KPNA3: variants seen among roughly 807,000 people sequenced by gnomAD.
KPNA3 encodes karyopherin subunit alpha 3.
KPNA3 carries 13 observed loss-of-function variants against 73.8 expected under a neutral mutation model. The observed-to-expected ratio is 0.18, with a 90% CI of 0.11 to 0.28. The LOEUF (loss-of-function observed/expected upper bound fraction) is 0.28. KPNA3 is among the 10% of genes least tolerant of loss of function. The probability of loss-of-function intolerance (pLI) is 1.00; values close to 1 mark genes in which losing one functional copy is unlikely to be tolerated. For missense variants in KPNA3, 360 were observed against 618.1 expected (o/e 0.58, Z 4.43); for synonymous variants, 186 against 206.9 (o/e 0.90, Z 0.87).
chr13:49,748,124 A>T (rs140306523), intron 1 of KPNA3, among the ~76,000 whole-genome samples: 1 of 152,196 alleles, frequency 6.6e-6, no homozygotes, highest in Admixed American at 6.5e-5. Context: ...TACTCATCTT[A>T]TGAACTACCT....
At chr13:49,727,957 C>T (rs1341067615) in intron 6 of KPNA3, among the ~76,000 whole-genome samples, 4 of 152,042 alleles carry the variant, frequency 2.6e-5, no homozygotes, top group South Asian at 2.1e-4. Context: ...ACAAGTCGGC[C>T]GGGCATGGTG....
Position 49,709,558 on chromosome 13 carries a change from A to G in KPNA3, c.1032+14T>C, listed in dbSNP as rs200706503. ...CAGAAAGAAATAGCATAATGAGGAC[A>G]TTATATGCCTTACCTTATTTATCTT... On this transcript the variant is annotated intron_variant, in intron 12 of 16. Coordinates refer to ENST00000261667, the MANE Select transcript of KPNA3 (RefSeq NM_002267.4). The G allele has an allele frequency of 1.2e-6, 2 of 1,604,100 alleles. No homozygotes were observed. The highest frequency in any genetic ancestry group is 1.3e-5 in the African/African-American group (1 of 74,588).
intron 15 of KPNA3, among the ~76,000 whole-genome samples, chr13:49,703,954 A>G (rs1954176021): frequency 6.6e-6 from 1 of 152,240 alleles, no homozygotes; most frequent in Non-Finnish European, 1.5e-5. Context: ...ATTGATAAAA[A>G]GCTGAAGAGT....
At chr13:49,754,769 T>G (rs1234341552) in intron 1 of KPNA3, among the ~76,000 whole-genome samples, 3 of 151,934 alleles carry the variant, frequency 2.0e-5, no homozygotes, top group Admixed American at 1.3e-4. Context: ...CACACAAATT[T>G]GACAATTTAG....
At chr13:49,790,524 C>G (rs763414447) in intron 1 of KPNA3, among the ~76,000 whole-genome samples, 26 of 152,216 alleles carry the variant, frequency 1.7e-4, no homozygotes, top group Admixed American at 2.0e-4. Flanking sequence ...ACTTGTTACA[C>G]AGATTAAATA....
intron 1 of KPNA3, among the ~76,000 whole-genome samples, chr13:49,791,482 T>C (rs942848409): frequency 4.3e-4 from 66 of 152,172 alleles, no homozygotes; most frequent in Non-Finnish European, 9.0e-4. Flanking sequence ...AATGAGACAA[T>C]GGCAACATGC....
At position 49,747,364 on chromosome 13, in the gene KPNA3, G is replaced by GA. The variant is rs111816135; in HGVS notation, c.70-372dup. Among the ~76,000 whole-genome samples, 68 of 141,334 alleles carry GA rather than the reference G, an allele frequency of 4.8e-4. 1 individual carries two copies. The highest frequency in any genetic ancestry group is 7.1e-4 in the Admixed American group (10 of 14,122). 92.7% of individuals were successfully genotyped at this position (141,334 alleles called of 152,430 possible). A position where few individuals can be genotyped will look rare whatever the true frequency, so the allele number is the denominator to read the frequency against. On this transcript the variant is annotated intron_variant, in intron 1 of 16. Coordinates refer to ENST00000261667, the MANE Select transcript of KPNA3 (RefSeq NM_002267.4). ...TGCATCTCAAAAAAAAGAAGAAGAA[G>GA]AAAAAAAAAAACTCAGGTATTTGAG...
intron 16 of KPNA3, 22 bp from the exon 17 acceptor site, chr13:49,701,920 T>C (rs763449713): frequency 2.0e-6 from 3 of 1,507,844 alleles, no homozygotes; most frequent in Admixed American, 1.7e-5. Context: ...AAGAAAAAAA[T>C]CCTTATTAGG....
At chr13:49,752,459 G>C (rs781376297) in intron 1 of KPNA3, among the ~76,000 whole-genome samples, 34 of 152,150 alleles carry the variant, frequency 2.2e-4, no homozygotes, top group Non-Finnish European at 4.3e-4. Context: ...AGGAAACAGA[G>C]TGTTGCTATT....
rs9568321 is a variant in KPNA3, at chr13:49,770,148, T to C, written c.69+22290A>G. 1.2e-4 allele frequency among the ~76,000 whole-genome samples: 18 copies of C among 151,772 alleles called. No individual in the cohort carries two copies. The East Asian group carries it at 3.5e-3, about 29-fold the overall frequency. ...AGTAGTACCTTTAATGGATGTATGA[T>C]GTGCAATTTTTTCCTCCCATTTGTG... On this transcript the variant is annotated intron_variant, in intron 1 of 16. Coordinates refer to ENST00000261667, the MANE Select transcript of KPNA3 (RefSeq NM_002267.4).
At chr13:49,764,474 CAGA>C (rs2137587079) in intron 1 of KPNA3, among the ~76,000 whole-genome samples, 1 of 152,232 alleles carries the variant, frequency 6.6e-6, no homozygotes, top group Admixed American at 6.5e-5. Context: ...TTCCTCTCAG[CAGA>C]AGACCAGGCC....
At chr13:49,758,088 TGGG>T (rs1478402676) in intron 1 of KPNA3, among the ~76,000 whole-genome samples, 1 of 151,898 alleles carries the variant, frequency 6.6e-6, no homozygotes, top group Non-Finnish European at 1.5e-5. Context: ...ATGTACATGA[TGGG>T]GAATCAATAG....
At chr13:49,766,650 T>A (rs1269833819) in intron 1 of KPNA3, among the ~76,000 whole-genome samples, 1 of 152,196 alleles carries the variant, frequency 6.6e-6, no homozygotes, top group Admixed American at 6.5e-5. Context: ...TATTTTGATC[T>A]AAAAAGTCTT....
intron 2 of KPNA3, among the ~76,000 whole-genome samples, chr13:49,735,868 T>A (rs1417789974): frequency 6.6e-6 from 1 of 152,186 alleles, no homozygotes; most frequent in Non-Finnish European, 1.5e-5. Context: ...CTTAATATAT[T>A]GTTTGAGTTA....
At chr13:49,734,816 T>A (rs1273828521) in intron 2 of KPNA3, among the ~76,000 whole-genome samples, 4 of 152,084 alleles carry the variant, frequency 2.6e-5, no homozygotes, top group Non-Finnish European at 5.9e-5. Flanking sequence ...TATCTCTTCT[T>A]GTGTTTATTC....
intron 2 of KPNA3, among the ~76,000 whole-genome samples, chr13:49,733,294 T>TTTTG (rs1555305177): frequency 1.4e-5 from 2 of 146,890 alleles, no homozygotes; most frequent in Non-Finnish European, 3.0e-5. Flanking sequence ...TTTTTTTTTT[T>TTTTG]TTTTTTTTTG....
At chr13:49,756,926 A>C (rs1954716616) in intron 1 of KPNA3, among the ~76,000 whole-genome samples, 1 of 152,218 alleles carries the variant, frequency 6.6e-6, no homozygotes, top group South Asian at 2.1e-4. Context: ...ATTTTTTACA[A>C]AGGTGCAAAA....
chr13:49,747,988 A>G (rs1954632894), intron 1 of KPNA3, among the ~76,000 whole-genome samples: 2 of 152,188 alleles, frequency 1.3e-5, no homozygotes, highest in African/African-American at 4.8e-5. Flanking sequence ...TATCTCCTCT[A>G]TAACTCTGAA....
intron 1 of KPNA3, among the ~76,000 whole-genome samples, chr13:49,758,780 A>G (rs1390125705): frequency 6.6e-6 from 1 of 151,884 alleles, no homozygotes. Context: ...TTATATACAT[A>G]CACACACACA....
Sources: allele counts gnomAD v4.1 joint callset (sites outside exome capture counted in the v4.1 genomes callset), GRCh38; gene constraint gnomAD v4.1.1; transcripts MANE v1.5; gene names NCBI Gene and HGNC (gene_info 2026-07-23, HGNC 2026-07-21).